The following GNAQ variants were observed in gnomAD, a reference collection of about 807,000 sequenced individuals.
The protein encoded by GNAQ is G protein subunit alpha q, also known as guanine nucleotide-binding protein G(q) subunit alpha.
A neutral mutation model predicts 43.9 loss-of-function variants in GNAQ; 8 were observed. The observed-to-expected ratio is 0.18, with a 90% CI of 0.11 to 0.33. GNAQ has a LOEUF of 0.33. GNAQ is among the 10% of genes least tolerant of loss of function. GNAQ has a pLI of 1.00. For missense variants in GNAQ, 158 were observed against 450.8 expected (o/e 0.35, Z 5.88); for synonymous variants, 155 against 170.7 (o/e 0.91, Z 0.71).
At chr9:77,901,229 T>C (rs1248568877) in intron 2 of GNAQ, among the ~76,000 whole-genome samples, 2 of 152,126 alleles carry the variant, frequency 1.3e-5, no homozygotes, top group Admixed American at 6.5e-5. Flanking sequence ...TCCTATCACA[T>C]CTGTTTCCTG....
intron 1 of GNAQ, among the ~76,000 whole-genome samples, chr9:77,968,450 G>A (rs1823196049): frequency 6.6e-6 from 1 of 152,158 alleles, no homozygotes; most frequent in South Asian, 2.1e-4. Context: ...AGATGTATCA[G>A]GATGCCTAAG....
intron 1 of GNAQ, among the ~76,000 whole-genome samples, chr9:77,958,310 A>C (rs1245003178): frequency 6.6e-6 from 1 of 152,154 alleles, no homozygotes; most frequent in Non-Finnish European, 1.5e-5. Flanking sequence ...CTGTGTCTCC[A>C]TTGTATCCTA....
At chr9:77,770,067 A>G (rs1198119247) in intron 5 of GNAQ, among the ~76,000 whole-genome samples, 1 of 152,164 alleles carries the variant, frequency 6.6e-6, no homozygotes, top group Non-Finnish European at 1.5e-5. Flanking sequence ...GGTACTGAAT[A>G]ATTAGTGAAA....
chr9:77,961,588 T>C (rs1425789625), intron 1 of GNAQ, among the ~76,000 whole-genome samples: 1 of 152,140 alleles, frequency 6.6e-6, no homozygotes, highest in African/African-American at 2.4e-5. Flanking sequence ...AAGGAATCAG[T>C]GAGTTTTCAT....
chr9:77,983,235 G>C (rs1186923368), intron 1 of GNAQ, among the ~76,000 whole-genome samples: 1 of 152,192 alleles, frequency 6.6e-6, no homozygotes, highest in Non-Finnish European at 1.5e-5. Flanking sequence ...CATTTACATA[G>C]TATGTATCTG....
chr9:77,938,658 G>A (rs532978592), intron 1 of GNAQ, among the ~76,000 whole-genome samples: 1 of 152,314 alleles, frequency 6.6e-6, no homozygotes, highest in East Asian at 1.9e-4. Context: ...AAGAAGCACG[G>A]CTTGAACCTG....
chr9:77,818,714 G>A lies in GNAQ; in HGVS notation c.322-2944C>T, dbSNP rs536068473. Among the ~76,000 whole-genome samples the A allele has an allele frequency of 4.6e-5, 7 of 152,124 alleles. No individual in the cohort carries two copies. In the East Asian group the frequency reaches 1.4e-3, roughly 29 times the overall value. On this transcript the variant is annotated intron_variant, in intron 2 of 6. Transcript: ENST00000286548. The stretch of plus-strand genomic sequence containing the variant: ...TGAACATTGTGCACAGAAAAGCAAG[G>A]GAGGGCCAGCCATGCTGGCTCATGC...
intron 2 of GNAQ, among the ~76,000 whole-genome samples, chr9:77,913,764 AG>A (rs1828848214): frequency 6.6e-6 from 1 of 152,154 alleles, no homozygotes; most frequent in African/African-American, 2.4e-5. Flanking sequence ...ATTGACTGGA[AG>A]GGAGCATGAA....
At chr9:78,020,096 A>G (rs1430794199) in intron 1 of GNAQ, among the ~76,000 whole-genome samples, 1 of 152,156 alleles carries the variant, frequency 6.6e-6, no homozygotes, top group Non-Finnish European at 1.5e-5. Context: ...TTTCTACATT[A>G]CATGCCTCCA....
At position 77,966,569 on chromosome 9, in the gene GNAQ, A is replaced by G. The variant is rs143556081; in HGVS notation, c.137-44224T>C. Among the ~76,000 whole-genome samples the G allele has an allele frequency of 6.4e-3, 969 of 152,304 alleles. 5 individuals carry two copies. Among genetic ancestry groups the G allele is most frequent in the African/African-American group, 0.017 (721 of 41,560 alleles). On this transcript the variant is annotated intron_variant, in intron 1 of 6. Coordinates refer to ENST00000286548, the MANE Select transcript of GNAQ (RefSeq NM_002072.5). ...GCTTTCTACAGCAATGCCTCACTAC[A>G]GCAGAGACACAAAATCTTATTACTA...
Position 77,956,752 on chromosome 9 carries a change from A to G in GNAQ, c.137-34407T>C, listed in dbSNP as rs1312296479. Among the ~76,000 whole-genome samples the G allele has an allele frequency of 4.6e-5, 7 of 152,208 alleles. No individual in the cohort carries two copies. The East Asian group carries it at 1.3e-3, about 29-fold the overall frequency. Reference sequence around the variant, plus strand: ...AGGTGGAGGGGACCATTTCCTCTGCATATGCAATATGTACTCAACATTGAA... The same window carrying G: ...AGGTGGAGGGGACCATTTCCTCTGCGTATGCAATATGTACTCAACATTGAA... On this transcript the variant is annotated intron_variant, in intron 1 of 6. Coordinates refer to ENST00000286548, the MANE Select transcript of GNAQ (RefSeq NM_002072.5).
Position 77,719,958 on chromosome 9 carries a change from G to A in GNAQ, c.*1365C>T, listed in dbSNP as rs144998405. ...TCAGATTTTGGAAATTAAAGGTGTC[G>A]GAATAATACTACCAACCAATGTTCC... On this transcript the variant is annotated 3_prime_UTR_variant, in exon 7 of 7. Coordinates refer to ENST00000286548, the MANE Select transcript of GNAQ (RefSeq NM_002072.5). The A allele has an allele frequency of 9.8e-4, 228 of 232,256 alleles. 1 individual carries two copies. The highest frequency in any genetic ancestry group is 4.3e-3 in the African/African-American group (197 of 45,368). The allele number at this position is 232,256 out of a possible 1,614,324, so 14.4% of individuals were successfully genotyped here. A position where few individuals can be genotyped will look rare whatever the true frequency, so the allele number is the denominator to read the frequency against.
At chr9:77,971,073 A>G (rs1214661798) in intron 1 of GNAQ, among the ~76,000 whole-genome samples, 2 of 152,212 alleles carry the variant, frequency 1.3e-5, no homozygotes, top group African/African-American at 4.8e-5. Context: ...CCAAGACTAA[A>G]CCAGGAAGAA....
At chr9:77,871,972 T>A (rs1388185519) in intron 2 of GNAQ, among the ~76,000 whole-genome samples, 1 of 152,218 alleles carries the variant, frequency 6.6e-6, no homozygotes, top group Non-Finnish European at 1.5e-5. Context: ...TATTATCTCA[T>A]GTATATGGAA....
chr9:77,992,603 C>T (rs1408485282), intron 1 of GNAQ, among the ~76,000 whole-genome samples: 3 of 151,938 alleles, frequency 2.0e-5, no homozygotes, highest in Non-Finnish European at 4.4e-5. Flanking sequence ...TATGAAATAA[C>T]TTAGTTTTTC....
chr9:77,721,655 T>TAACA, intron 6 of GNAQ, 142 bp from the exon 7 acceptor site: 1 of 599,248 alleles, frequency 1.7e-6, no homozygotes, highest in Non-Finnish European at 2.9e-6. Context: ...TCATTTTCCC[T>TAACA]AACACTGCTA....
chr9:77,969,621 A>T (rs1156569247), intron 1 of GNAQ, among the ~76,000 whole-genome samples: 1 of 152,244 alleles, frequency 6.6e-6, no homozygotes, highest in African/African-American at 2.4e-5. Context: ...ACAGTTTTAA[A>T]TATCGCACAG....
At chr9:77,866,464 A>G (rs1317200510) in intron 2 of GNAQ, among the ~76,000 whole-genome samples, 2 of 152,196 alleles carry the variant, frequency 1.3e-5, no homozygotes, top group African/African-American at 4.8e-5. Flanking sequence ...ATTAAAAATT[A>G]AAAATTAAAA....
At chr9:77,861,001 C>T (rs190615445) in intron 2 of GNAQ, among the ~76,000 whole-genome samples, 1 of 152,290 alleles carries the variant, frequency 6.6e-6, no homozygotes, top group East Asian at 1.9e-4. Context: ...TGTATTAGTC[C>T]ATTTTCATGC....
Sources: allele counts gnomAD v4.1 joint callset (sites outside exome capture counted in the v4.1 genomes callset), GRCh38; gene constraint gnomAD v4.1.1; transcripts MANE v1.5; gene names NCBI Gene and HGNC (gene_info 2026-07-23, HGNC 2026-07-21).